The following TAFA5 variants were observed in gnomAD, a reference collection of about 807,000 sequenced individuals.
TAFA5 encodes the protein chemokine-like protein TAFA-5.
In TAFA5, 6 loss-of-function variants were observed where a neutral mutation model predicts 15.3. The observed-to-expected ratio is 0.39, with a 90% CI of 0.21 to 0.77. The LOEUF (loss-of-function observed/expected upper bound fraction) is 0.77, where lower values mean the gene tolerates loss of function less well. Ranked by LOEUF, TAFA5 falls within the 30% of genes least tolerant of loss-of-function variation. The pLI is 0.41. For missense variants in TAFA5, 161 were observed against 193.1 expected (o/e 0.83, Z 0.98); for synonymous variants, 103 against 80.7 (o/e 1.28, Z -1.48).
chr22:48,717,399 C>T (rs1046998589), intron 3 of TAFA5, among the ~76,000 whole-genome samples: 1 of 152,202 alleles, frequency 6.6e-6, no homozygotes, highest in Non-Finnish European at 1.5e-5. Context: ...CGTACCTGTG[C>T]TTCGGAAGAT....
At chr22:48,577,579 C>A (rs1359288279) in intron 1 of TAFA5, among the ~76,000 whole-genome samples, 1 of 152,232 alleles carries the variant, frequency 6.6e-6, no homozygotes, top group Admixed American at 6.5e-5. Flanking sequence ...GCTGGGTTCT[C>A]ATTAGTTCTG....
intron 1 of TAFA5, among the ~76,000 whole-genome samples, chr22:48,611,957 T>C (rs2147174317): frequency 6.6e-6 from 1 of 152,270 alleles, no homozygotes; most frequent in South Asian, 2.1e-4. Context: ...GAATCCTGGG[T>C]CCCTGTTTAC....
At position 48,714,316 on chromosome 22, in the gene TAFA5, G is replaced by A. The variant is rs142003153; in HGVS notation, c.390+6472G>A. 2.7e-3 allele frequency among the ~76,000 whole-genome samples: 407 copies of A among 152,350 alleles called. 1 individual carries two copies. The highest frequency in any genetic ancestry group is 9.4e-3 in the African/African-American group (392 of 41,580). ...TCAGCAAGACAGGTCTGGAAGGATG[G>A]GAGCGGGTGGACGGAGCTGACAAGC... On this transcript the variant is annotated intron_variant, in intron 3 of 3. Coordinates refer to ENST00000402357, the MANE Select transcript of TAFA5 (RefSeq NM_001082967.3).
chr22:48,591,879 C>T (rs948125568), intron 1 of TAFA5, among the ~76,000 whole-genome samples: 3 of 152,188 alleles, frequency 2.0e-5, no homozygotes, highest in Non-Finnish European at 4.4e-5. Context: ...GGGCAGCCAG[C>T]ATCCCGGGCG....
chr22:48,605,420 A>G (rs1024937429), intron 1 of TAFA5, among the ~76,000 whole-genome samples: 5 of 113,390 alleles, frequency 4.4e-5, no homozygotes, highest in African/African-American at 6.2e-5. Flanking sequence ...GATGGTGAGG[A>G]TGGTGGTGGT....
intron 3 of TAFA5, among the ~76,000 whole-genome samples, chr22:48,714,045 A>G (rs1929332924): frequency 6.6e-6 from 1 of 152,198 alleles, no homozygotes; most frequent in Non-Finnish European, 1.5e-5. Flanking sequence ...GCTGGGGCAC[A>G]AGAGTGCGTT....
intron 2 of TAFA5, among the ~76,000 whole-genome samples, chr22:48,671,397 G>T (rs1007088897): frequency 1.3e-5 from 2 of 152,228 alleles, no homozygotes; most frequent in African/African-American, 4.8e-5. Flanking sequence ...GAGAATCACA[G>T]AAATTCTCAG....
At chr22:48,547,962 G>A (rs1046393104) in intron 1 of TAFA5, among the ~76,000 whole-genome samples, 1 of 152,200 alleles carries the variant, frequency 6.6e-6, no homozygotes, top group African/African-American at 2.4e-5. Context: ...CTACCCTCGA[G>A]CCCTGGCCCT....
At chr22:48,749,554 A>G (rs1930421686) in intron 3 of TAFA5, among the ~76,000 whole-genome samples, 1 of 152,182 alleles carries the variant, frequency 6.6e-6, no homozygotes, top group South Asian at 2.1e-4. Context: ...GCATAGAGGA[A>G]GGAAGCCGGC....
intron 2 of TAFA5, among the ~76,000 whole-genome samples, chr22:48,654,689 C>T (rs919464382): frequency 2.0e-5 from 3 of 152,348 alleles, no homozygotes; most frequent in Admixed American, 6.5e-5. Flanking sequence ...CGAATTCTGT[C>T]ATTTTTGAGC....
intron 1 of TAFA5, among the ~76,000 whole-genome samples, chr22:48,499,922 C>CGT (rs2147095228): frequency 6.6e-6 from 1 of 152,260 alleles, no homozygotes; most frequent in African/African-American, 2.4e-5. Flanking sequence ...CACACACACC[C>CGT]GTGAGTCTGC....
At chr22:48,639,503 C>T (rs1197963703) in intron 1 of TAFA5, among the ~76,000 whole-genome samples, 3 of 152,226 alleles carry the variant, frequency 2.0e-5, no homozygotes, top group Non-Finnish European at 4.4e-5. Context: ...GCAGGAGCTG[C>T]TCCAGAGGGC....
In TAFA5 at chr22:48,566,340, TGAATG is replaced by T. The variant is rs563764407; in HGVS notation, c.112+76639_112+76643del. Among the ~76,000 whole-genome samples the T allele has an allele frequency of 5.3e-5, 8 of 151,036 alleles. No individual in the cohort carries two copies. The East Asian group carries it at 1.6e-3, about 30-fold the overall frequency. ...GGATGGATGGACGATGGGTGGATGA[TGAATG>T]GATGGTGATGGGTGGACGGATGGTG... On this transcript the variant is annotated intron_variant, in intron 1 of 3. Coordinates refer to ENST00000402357, the MANE Select transcript of TAFA5 (RefSeq NM_001082967.3). The surrounding 1 kb of genome is among the most constrained non-coding windows in gnomAD (Gnocchi z 4.5).
intron 3 of TAFA5, among the ~76,000 whole-genome samples, chr22:48,740,533 T>A (rs1225916523): frequency 6.6e-6 from 1 of 152,194 alleles, no homozygotes; most frequent in Admixed American, 6.5e-5. Context: ...AGTTGGCGGA[T>A]CTGCCTCGTA....
At chr22:48,690,471 A>G (rs1928504557) in intron 2 of TAFA5, among the ~76,000 whole-genome samples, 1 of 152,070 alleles carries the variant, frequency 6.6e-6, no homozygotes, top group Admixed American at 6.5e-5. Context: ...CAGCCCCTCC[A>G]TGCTTGTAGC....
intron 2 of TAFA5, among the ~76,000 whole-genome samples, chr22:48,669,983 G>T (rs1329731646): frequency 6.6e-6 from 1 of 152,226 alleles, no homozygotes; most frequent in East Asian, 1.9e-4. Context: ...CGGGTCCCCA[G>T]TCCTGGCTGT....
intron 1 of TAFA5, among the ~76,000 whole-genome samples, chr22:48,565,025 C>T (rs1923362907): frequency 6.6e-6 from 1 of 152,248 alleles, no homozygotes; most frequent in African/African-American, 2.4e-5. Flanking sequence ...CTGTGCTCTG[C>T]ACTCTGCCTT....
At chr22:48,683,203 G>A (rs561001191) in intron 2 of TAFA5, among the ~76,000 whole-genome samples, 30 of 152,048 alleles carry the variant, frequency 2.0e-4, no homozygotes, top group Non-Finnish European at 4.0e-4. Flanking sequence ...ACACACACTC[G>A]GGGCACAGTG....
chr22:48,750,095 C>G lies in TAFA5; in HGVS notation c.*248C>G. ...GCACCTGGCATCAGCAATACGCAGTCTGTGGGAGCCCGGCCGCGCCCAGCC... is the reference window on the plus strand; with the variant it reads ...GCACCTGGCATCAGCAATACGCAGTGTGTGGGAGCCCGGCCGCGCCCAGCC... On this transcript the variant is annotated 3_prime_UTR_variant, in exon 4 of 4. Coordinates refer to ENST00000402357, the MANE Select transcript of TAFA5 (RefSeq NM_001082967.3). 1 of 555,150 alleles carries G rather than the reference C, an allele frequency of 1.8e-6. No homozygotes were observed. Among genetic ancestry groups the G allele is most frequent in the Non-Finnish European group, 3.2e-6 (1 of 311,696 alleles). The allele number at this position is 555,150 out of a possible 1,614,324, so 34.4% of individuals were successfully genotyped here.
Sources: allele counts gnomAD v4.1 joint callset (sites outside exome capture counted in the v4.1 genomes callset), GRCh38; gene constraint gnomAD v4.1.1; non-coding constraint Gnocchi (gnomAD v3.1); transcripts MANE v1.5; gene names NCBI Gene and HGNC (gene_info 2026-07-23, HGNC 2026-07-21).